KDM6A: variants seen among roughly 807,000 people sequenced by gnomAD.
KDM6A encodes the protein lysine demethylase 6A, also known as lysine-specific demethylase 6A.
Under a neutral mutation model 117.6 loss-of-function variants are expected in KDM6A, and 11 were observed. The ratio of observed to expected loss-of-function variants is 0.09; its 90% CI spans 0.06 to 0.15. The LOEUF is 0.15. KDM6A is among the 10% of genes least tolerant of loss of function. The probability of loss-of-function intolerance (pLI) is 1.00; values close to 1 mark genes in which losing one functional copy is unlikely to be tolerated. For missense variants in KDM6A, 799 were observed against 1,077.3 expected (o/e 0.74, Z 3.62); for synonymous variants, 384 against 396.1 (o/e 0.97, Z 0.36).
At chrX:44,904,709 C>G (rs1000243525) in intron 2 of KDM6A, among the ~76,000 whole-genome samples, 1 of 111,831 alleles carries the variant, frequency 8.9e-6, no homozygotes, top group Non-Finnish European at 1.9e-5. Flanking sequence ...GAGCTTCAGC[C>G]TCATTGTACT....
chrX:44,874,201 A>G (rs777411949), intron 2 of KDM6A, among the ~76,000 whole-genome samples: 27 of 111,806 alleles, frequency 2.4e-4, no homozygotes, highest in Non-Finnish European at 5.1e-4. Context: ...CTGGAGGAAC[A>G]GAGACGGGAT....
chrX:44,969,101 G>GTAAT (rs1436004151), intron 3 of KDM6A, among the ~76,000 whole-genome samples: 3 of 111,306 alleles, frequency 2.7e-5, no homozygotes, highest in Non-Finnish European at 3.8e-5. Context: ...TTAGAGGAGT[G>GTAAT]TAATAATCAT....
At chrX:44,968,190 T>C (rs775852921) in intron 3 of KDM6A, among the ~76,000 whole-genome samples, 1 of 112,511 alleles carries the variant, frequency 8.9e-6, no homozygotes, top group South Asian at 3.7e-4. Flanking sequence ...TAGCCAGGCC[T>C]TTATACTCCA....
At chrX:45,035,901 G>A (rs1044609170) in intron 7 of KDM6A, among the ~76,000 whole-genome samples, 1 of 109,979 alleles carries the variant, frequency 9.1e-6, no homozygotes, top group Non-Finnish European at 1.9e-5. Flanking sequence ...GGGTTTCACC[G>A]TGTTAGCCAG....
chrX:45,095,015 A>G (rs1264267860), intron 27 of KDM6A, among the ~76,000 whole-genome samples: 1 of 111,357 alleles, frequency 9.0e-6, no homozygotes, highest in East Asian at 2.8e-4. Flanking sequence ...AGGTTTCGTA[A>G]AGGTGTTTCT....
chrX:45,069,745 A>G lies in KDM6A; in HGVS notation c.2246A>G (p.Asn749Ser). The change falls in exon 18 of 30, where the codon AAT (asparagine) becomes AGT (serine). Residue 749 changes from asparagine (N) to serine (S), a missense_variant. Physicochemically the swap from Asn to Ser is conservative, Grantham distance 46 (BLOSUM62 1). Coordinates refer to ENST00000611820, the MANE Select transcript of KDM6A (RefSeq NM_001291415.2). ...SNSVTQGAALNHLSSHTATSG... is the reference protein window; with the variant it reads ...SNSVTQGAALSHLSSHTATSG... The stretch of plus-strand genomic sequence containing the variant: ...TCAGTAACACAGGGGGCTGCTCTCA[A>G]TCACCTCTCCTCTCACACTGCTACC... 1 of 1,210,132 alleles carries G rather than the reference A, an allele frequency of 8.3e-7. No homozygotes were observed. The highest frequency in any genetic ancestry group is 1.7e-5 in the African/African-American group (1 of 57,514).
chrX:44,886,079 A>G (rs1410161207), intron 2 of KDM6A, among the ~76,000 whole-genome samples: 1 of 107,644 alleles, frequency 9.3e-6, no homozygotes, highest in Non-Finnish European at 1.9e-5. Context: ...TTTTTTTTAG[A>G]TGGAGTCTTG....
intron 4 of KDM6A, among the ~76,000 whole-genome samples, chrX:44,987,369 A>G (rs1281775980): frequency 9.0e-6 from 1 of 111,474 alleles, no homozygotes; most frequent in Non-Finnish European, 1.9e-5. Flanking sequence ...CCAGTTTGCC[A>G]GTCTGTGTCT....
At chrX:45,058,075 T>TTCCC (rs2044150181) in intron 10 of KDM6A, among the ~76,000 whole-genome samples, 1 of 38,000 alleles carries the variant, frequency 2.6e-5, no homozygotes, top group African/African-American at 1.1e-4. Flanking sequence ...ACTCTTACTC[T>TTCCC]CCCCCCCCCC....
intron 4 of KDM6A, among the ~76,000 whole-genome samples, chrX:44,989,255 G>T (rs949175718): frequency 9.9e-6 from 1 of 100,946 alleles, no homozygotes; most frequent in African/African-American, 3.7e-5. Context: ...TTGGAAAAGC[G>T]CAGTATTAGG....
intron 6 of KDM6A, among the ~76,000 whole-genome samples, chrX:45,032,735 G>C (rs187325881): frequency 1.2e-4 from 13 of 111,629 alleles, no homozygotes; most frequent in African/African-American, 3.9e-4. Context: ...ATAGGCGTGA[G>C]CTACTGTACC....
At chrX:44,922,791 T>C (rs1342245300) in intron 2 of KDM6A, among the ~76,000 whole-genome samples, 1 of 113,012 alleles carries the variant, frequency 8.8e-6, no homozygotes, top group African/African-American at 3.2e-5. Flanking sequence ...TCTTAAAATG[T>C]TGAGTTTTGA....
chrX:44,995,655 G>A (rs1277476315), intron 4 of KDM6A, among the ~76,000 whole-genome samples: 1 of 110,221 alleles, frequency 9.1e-6, no homozygotes, highest in East Asian at 2.9e-4. Context: ...TTTTAATAGC[G>A]ACTGAGTTTC....
At chrX:45,079,046 C>T (rs1171100958) in intron 20 of KDM6A, 100 bp from the exon 21 acceptor site, 8 of 710,294 alleles carry the variant, frequency 1.1e-5, no homozygotes, top group South Asian at 7.9e-5. Context: ...GATACAGTGC[C>T]GTAAAATGCT....
At chrX:44,905,017 G>A (rs2034561338) in intron 2 of KDM6A, among the ~76,000 whole-genome samples, 2 of 112,136 alleles carry the variant, frequency 1.8e-5, no homozygotes, top group Middle Eastern at 4.6e-3. Flanking sequence ...CTGATGTCAC[G>A]CTTCATTTCT....
At chrX:44,911,191 G>A (rs1317983084) in intron 2 of KDM6A, among the ~76,000 whole-genome samples, 4 of 110,002 alleles carry the variant, frequency 3.6e-5, no homozygotes, top group Non-Finnish European at 7.7e-5. Context: ...CCTCCCGGAC[G>A]GGGTGGCTGC....
intron 2 of KDM6A, among the ~76,000 whole-genome samples, chrX:44,934,508 G>A (rs949799388): frequency 1.8e-5 from 2 of 111,897 alleles, no homozygotes; most frequent in African/African-American, 6.5e-5. Context: ...TCATGGTAAT[G>A]TGCCTTGGTC....
intron 28 of KDM6A, among the ~76,000 whole-genome samples, chrX:45,109,565 AT>A (rs201497181): frequency 7.3e-5 from 8 of 108,856 alleles, no homozygotes; most frequent in East Asian, 2.9e-4. Flanking sequence ...GAATCCATTG[AT>A]TTTTTTTTTA....
intron 2 of KDM6A, among the ~76,000 whole-genome samples, chrX:44,906,487 T>C (rs1438173801): frequency 9.0e-6 from 1 of 110,729 alleles, no homozygotes; most frequent in Non-Finnish European, 1.9e-5. Flanking sequence ...TCAAGACCCT[T>C]AAATGGCTTC....
Sources: gnomAD v4.1 joint callset for allele counts (sites outside exome capture counted in the v4.1 genomes callset) on GRCh38, gnomAD v4.1.1 for gene constraint, MANE v1.5 for transcripts, NCBI Gene and HGNC (gene_info 2026-07-23, HGNC 2026-07-21) for gene names.